ZBTB41: variants seen among roughly 807,000 people sequenced by gnomAD.
The protein encoded by ZBTB41 is zinc finger and BTB domain containing 41, also known as zinc finger and BTB domain-containing protein 41.
A neutral mutation model predicts 87.6 loss-of-function variants in ZBTB41; 42 were observed. The ratio of observed to expected loss-of-function variants is 0.48; its 90% CI spans 0.37 to 0.62. ZBTB41 has a LOEUF of 0.62. Among genes scored for constraint, ZBTB41 ranks in the 20% least tolerant of loss-of-function variants. ZBTB41 has a pLI of 0.00. For synonymous variants in ZBTB41, 364 were observed against 364.0 expected (o/e 1.00, Z 0.00); for missense variants, 799 against 1,078.9 (o/e 0.74, Z 3.63).
intron 5 of ZBTB41, among the ~76,000 whole-genome samples, chr1:197,185,560 G>A (rs1659860384): frequency 6.6e-6 from 1 of 150,910 alleles, no homozygotes; most frequent in Non-Finnish European, 1.5e-5. Context: ...ATGAATAAAT[G>A]CACAGTTTAT....
At chr1:197,175,215 T>C (rs1198847620) in intron 8 of ZBTB41, 100 bp from the exon 9 acceptor site, 2 of 967,230 alleles carry the variant, frequency 2.1e-6, no homozygotes, top group Non-Finnish European at 1.5e-6. Context: ...ATGTCAAATA[T>C]AACAGGAAAG....
At chr1:197,180,323 C>T (rs1244456425) in intron 6 of ZBTB41, among the ~76,000 whole-genome samples, 1 of 152,090 alleles carries the variant, frequency 6.6e-6, no homozygotes, top group Non-Finnish European at 1.5e-5. Context: ...CATAAGTACA[C>T]TCTATATTTG....
At chr1:197,167,941 T>C (rs888540367) in intron 10 of ZBTB41, among the ~76,000 whole-genome samples, 1 of 151,098 alleles carries the variant, frequency 6.6e-6, no homozygotes, top group Non-Finnish European at 1.5e-5. Context: ...AGAGAGAGAG[T>C]GTGTGTTATA....
At chr1:197,194,087 C>T (rs761489767) in intron 2 of ZBTB41, among the ~76,000 whole-genome samples, 41 of 151,924 alleles carry the variant, frequency 2.7e-4, no homozygotes, top group Non-Finnish European at 4.7e-4. Flanking sequence ...GGCGCGATCT[C>T]GGCTCACTGC....
At chr1:197,194,618 GAAAAAAAAA>G (rs71131750) in intron 2 of ZBTB41, among the ~76,000 whole-genome samples, 23 of 135,834 alleles carry the variant, frequency 1.7e-4, no homozygotes, top group African/African-American at 6.3e-4. Flanking sequence ...ATTTAAGCAA[GAAAAAAAAA>G]AAAAAAGAAG....
chr1:197,189,169 T>C (rs2125137169), intron 4 of ZBTB41, among the ~76,000 whole-genome samples: 1 of 152,258 alleles, frequency 6.6e-6, no homozygotes, highest in South Asian at 2.1e-4. Context: ...ATTTGCTGTA[T>C]ATATAAATTG....
At chr1:197,160,516 G>T (rs1659175589) in intron 10 of ZBTB41, among the ~76,000 whole-genome samples, 1 of 152,118 alleles carries the variant, frequency 6.6e-6, no homozygotes, top group Non-Finnish European at 1.5e-5. Context: ...ATGGTTCCTT[G>T]GATTAGATAA....
Position 197,159,489 on chromosome 1 carries a change from G to A in ZBTB41, c.2600C>T (p.Ala867Val), listed in dbSNP as rs1337149920. ...AGGTCGAACTGGGTGAACTATATTT[G>A]CAGGTTGAGGAGTAAGAGTATATTT... ...LEKYTLTPQP[A>V]NIVHPVRPEQ... Residue 867 changes from alanine to valine, a missense_variant, in exon 11 of 11, where the codon GCA (alanine) becomes GTA (valine). By Grantham distance (64) the Ala-to-Val change is moderately conservative. Coordinates refer to ENST00000367405, the MANE Select transcript of ZBTB41 (RefSeq NM_194314.3). 4 of 1,613,838 alleles carry A rather than the reference G, an allele frequency of 2.5e-6. No individual in the cohort carries two copies. The African/African-American group carries it at 5.3e-5, about 22-fold the overall frequency.
At chr1:197,190,853 A>G (rs528184977) in intron 3 of ZBTB41, 22 bp from the exon 4 acceptor site, 1 of 1,474,150 alleles carries the variant, frequency 6.8e-7, no homozygotes, top group South Asian at 1.2e-5. Context: ...AAAGAAAAAG[A>G]TTATTAGGAA....
intron 8 of ZBTB41, 78 bp from the exon 9 acceptor site, chr1:197,175,193 T>A (rs891654912): frequency 5.1e-5 from 60 of 1,176,868 alleles, no homozygotes; most frequent in Non-Finnish European, 7.2e-5. Context: ...TATCAAACAG[T>A]AAGATCACAT....
rs146093187 is a variant in ZBTB41, at chr1:197,172,865, C to G, written c.1986-617G>C. Among the ~76,000 whole-genome samples the G allele has an allele frequency of 8.8e-3, 1,333 of 151,966 alleles. 15 individuals carry two copies. Among genetic ancestry groups the G allele is most frequent in the African/African-American group, 0.028 (1,178 of 41,486 alleles). On this transcript the variant is annotated intron_variant, in intron 9 of 10. Coordinates refer to ENST00000367405, the MANE Select transcript of ZBTB41 (RefSeq NM_194314.3). ...TTGCTCTCATCAGTTCATGTCCTAA[C>G]AAAAAAATTATAAATTTGAACTAAT... is the stretch of plus-strand genomic sequence containing the variant.
chr1:197,157,793 C>T lies in ZBTB41; in HGVS notation c.*1566G>A, dbSNP rs1659104859. 6.6e-6 allele frequency: 1 copy of T among 152,216 alleles called. No homozygotes were observed. Among genetic ancestry groups the T allele is most frequent in the African/African-American group, 2.4e-5 (1 of 41,390 alleles). 9.4% of individuals were successfully genotyped at this position (152,216 alleles called of 1,614,324 possible). On this transcript the variant is annotated 3_prime_UTR_variant, in exon 11 of 11. Coordinates refer to ENST00000367405, the MANE Select transcript of ZBTB41 (RefSeq NM_194314.3). ...GTAAAGTACCTTTATTTCTTAAGTGCTTCAGCGACAGTTTCCGCCATTACT... is the reference window on the plus strand; with the variant it reads ...GTAAAGTACCTTTATTTCTTAAGTGTTTCAGCGACAGTTTCCGCCATTACT...
chr1:197,173,307 A>ACATAC (rs1368448699), intron 9 of ZBTB41, among the ~76,000 whole-genome samples: 1 of 152,160 alleles, frequency 6.6e-6, no homozygotes, highest in African/African-American at 2.4e-5. Flanking sequence ...AGGATTTTAA[A>ACATAC]TGTCCCTCAT....
chr1:197,165,250 A>T (rs542166044), intron 10 of ZBTB41, among the ~76,000 whole-genome samples: 5 of 151,910 alleles, frequency 3.3e-5, no homozygotes, highest in Middle Eastern at 3.4e-3. Flanking sequence ...CATTAACGAG[A>T]GAACAATTTA....
chr1:197,175,131 C>A lies in ZBTB41; in HGVS notation c.1880-16G>T. 3 of 1,594,096 alleles carry A rather than the reference C, an allele frequency of 1.9e-6. No homozygotes were observed. The highest frequency in any genetic ancestry group is 1.7e-5 in the Admixed American group (1 of 59,006). The stretch of plus-strand genomic sequence containing the variant: ...GCTTTTTCACCTTAAAATAAAGACC[C>A]AAATATTTTCATTATAATATACATC... On this transcript the variant is annotated splice_polypyrimidine_tract_variant and intron_variant, in intron 8 of 10. Coordinates refer to ENST00000367405, the MANE Select transcript of ZBTB41 (RefSeq NM_194314.3).
In ZBTB41 at chr1:197,176,660, G is replaced by GT; in HGVS notation, c.1782dup (p.Arg595ThrfsTer5). Reference sequence around the variant, plus strand: ...TATCTTTTATCATCATGATGTACTCGTAAGTGAAGTCTATAAAGAAAAAAG... The same window carrying GT: ...TATCTTTTATCATCATGATGTACTCGTTAAGTGAAGTCTATAAAGAAAAAAG... On this transcript the variant is annotated frameshift_variant, in exon 8 of 11. Transcript: ENST00000367405. LOFTEE classifies it high-confidence loss of function. 1 of 1,607,886 alleles carries GT rather than the reference G, an allele frequency of 6.2e-7. No homozygotes were observed.
chr1:197,171,170 T>C (rs1227355882), intron 10 of ZBTB41, among the ~76,000 whole-genome samples: 7 of 152,132 alleles, frequency 4.6e-5, no homozygotes, highest in Non-Finnish European at 7.4e-5. Context: ...TTTCAAGTCA[T>C]GAGTTCTATT....
chr1:197,183,230 T>C (rs544182609), intron 5 of ZBTB41, among the ~76,000 whole-genome samples: 2 of 152,244 alleles, frequency 1.3e-5, no homozygotes, highest in South Asian at 2.1e-4. Flanking sequence ...GAAATGACAA[T>C]ACATTCAGAG....
chr1:197,172,142 C>T lies in ZBTB41; in HGVS notation c.2074+18G>A. 8.6e-7 allele frequency: 1 copy of T among 1,160,566 alleles called. No homozygotes were observed. Among genetic ancestry groups the T allele is most frequent in the East Asian group, 2.9e-5 (1 of 34,400 alleles). 71.9% of individuals were successfully genotyped at this position (1,160,566 alleles called of 1,614,324 possible). Reference sequence around the variant, plus strand: ...CTCTCTATATATATATATCTATGAACCACTCATTAAATTTTACCTGAATGC... The same window carrying T: ...CTCTCTATATATATATATCTATGAATCACTCATTAAATTTTACCTGAATGC... On this transcript the variant is annotated intron_variant, in intron 10 of 10. Coordinates refer to ENST00000367405, the MANE Select transcript of ZBTB41 (RefSeq NM_194314.3).
Sources: allele counts gnomAD v4.1 joint callset (sites outside exome capture counted in the v4.1 genomes callset), GRCh38; gene constraint gnomAD v4.1.1; transcripts MANE v1.5; gene names NCBI Gene and HGNC (gene_info 2026-07-23, HGNC 2026-07-21).